Variants in SOX5 observed in about 807,000 individuals in gnomAD.
SOX5 encodes the protein SRY-box transcription factor 5, also known as transcription factor SOX-5.
In SOX5, 9 loss-of-function variants were observed where a neutral mutation model predicts 92.0. That is an observed-to-expected ratio of 0.10 (90% CI 0.06 to 0.17). The LOEUF (loss-of-function observed/expected upper bound fraction) is 0.17, where lower values mean the gene tolerates loss of function less well. Ranked by LOEUF, SOX5 falls within the 10% of genes least tolerant of loss-of-function variation. SOX5 has a pLI of 1.00. For synonymous variants in SOX5, 344 were observed against 336.3 expected (o/e 1.02, Z -0.25); for missense variants, 642 against 944.5 (o/e 0.68, Z 4.20).
chr12:24,239,836 CT>C (rs1965227708), intron 3 of SOX5, among the ~76,000 whole-genome samples: 1 of 152,154 alleles, frequency 6.6e-6, no homozygotes, highest in African/African-American at 2.4e-5. Context: ...CATTCTTTCA[CT>C]TTTATTTAAA....
chr12:23,781,684 C>T (rs950841604), intron 3 of SOX5, among the ~76,000 whole-genome samples: 11 of 151,974 alleles, frequency 7.2e-5, no homozygotes, highest in Non-Finnish European at 1.6e-4. Context: ...CTCTCTCTCC[C>T]CCGCTTTTAC....
chr12:24,167,700 T>A (rs917705385), intron 4 of SOX5, among the ~76,000 whole-genome samples: 1 of 152,260 alleles, frequency 6.6e-6, no homozygotes, highest in Non-Finnish European at 1.5e-5. Context: ...AACGTATTAT[T>A]CTAAACATTT....
intron 4 of SOX5, among the ~76,000 whole-genome samples, chr12:24,045,044 A>C (rs917872463): frequency 6.6e-6 from 1 of 152,210 alleles, no homozygotes; most frequent in Non-Finnish European, 1.5e-5. Flanking sequence ...AGGGTTTGCA[A>C]ACAACTAAGA....
intron 6 of SOX5, among the ~76,000 whole-genome samples, chr12:23,675,725 C>A (rs2085561394): frequency 6.6e-6 from 1 of 151,840 alleles, no homozygotes; most frequent in Non-Finnish European, 1.5e-5. Flanking sequence ...TTCTGCACAG[C>A]AAAGGAAATA....
intron 4 of SOX5, among the ~76,000 whole-genome samples, chr12:24,121,023 A>AC (rs1428531173): frequency 2.0e-5 from 3 of 152,154 alleles, no homozygotes; most frequent in Non-Finnish European, 2.9e-5. Flanking sequence ...CCAGAGAAAA[A>AC]CAGCACCAAC....
chr12:24,501,395 T>C (rs1297504355), intron 1 of SOX5, among the ~76,000 whole-genome samples: 1 of 151,008 alleles, frequency 6.6e-6, no homozygotes, highest in African/African-American at 2.4e-5. Context: ...AAAAAAAATA[T>C]GTACAAGCTC....
At chr12:24,156,498 G>A (rs894619057) in intron 4 of SOX5, among the ~76,000 whole-genome samples, 3 of 152,044 alleles carry the variant, frequency 2.0e-5, no homozygotes, top group Admixed American at 1.3e-4. Flanking sequence ...GACATTTTCT[G>A]TTCCTGTATT....
At position 23,731,960 on chromosome 12, in the gene SOX5, C is replaced by T. The variant is rs534987586; in HGVS notation, c.810+2724G>A. Among the ~76,000 whole-genome samples the T allele has an allele frequency of 6.6e-4, 100 of 152,092 alleles. 2 individuals are homozygous for T. Among genetic ancestry groups the T allele is most frequent in the Admixed American group, 3.4e-3 (52 of 15,272 alleles). ...TGTTTATTTCTACAAGGTATCAAGG[C>T]ACTGTATTTAAAAAAGAAAAAAGTA... On this transcript the variant is annotated intron_variant, in intron 6 of 14. Coordinates refer to ENST00000451604, the MANE Select transcript of SOX5 (RefSeq NM_006940.6).
intron 11 of SOX5, among the ~76,000 whole-genome samples, chr12:23,549,570 A>G (rs913294471): frequency 6.6e-6 from 1 of 151,934 alleles, no homozygotes; most frequent in Non-Finnish European, 1.5e-5. Context: ...TTATACATTT[A>G]AAGGAATACT....
intron 4 of SOX5, among the ~76,000 whole-genome samples, chr12:24,208,218 A>G (rs1565658730): frequency 6.6e-6 from 1 of 152,140 alleles, no homozygotes; most frequent in Admixed American, 6.5e-5. Flanking sequence ...TTATAGCCAT[A>G]CAGTTTATAA....
At chr12:23,769,441 A>G (rs2094849567) in intron 3 of SOX5, among the ~76,000 whole-genome samples, 1 of 152,078 alleles carries the variant, frequency 6.6e-6, no homozygotes, top group Admixed American at 6.6e-5. Flanking sequence ...TGGGGCTACT[A>G]CCAAATCCTT....
intron 9 of SOX5, among the ~76,000 whole-genome samples, chr12:23,585,029 T>C (rs552781614): frequency 6.6e-6 from 1 of 152,264 alleles, no homozygotes; most frequent in South Asian, 2.1e-4. Flanking sequence ...TAAATGTTAA[T>C]GGATAGTGGA....
intron 3 of SOX5, among the ~76,000 whole-genome samples, chr12:24,217,373 C>T (rs1049208039): frequency 2.6e-5 from 4 of 152,104 alleles, no homozygotes; most frequent in African/African-American, 9.7e-5. Flanking sequence ...ACCCAGCTGA[C>T]GTAAGAGAAT....
At chr12:24,263,527 C>CAAAAAAAAAAAAA (rs386375915) in intron 3 of SOX5, among the ~76,000 whole-genome samples, 10 of 63,240 alleles carry the variant, frequency 1.6e-4, no homozygotes, top group African/African-American at 4.3e-4. Context: ...GACTCCGTCT[C>CAAAAAAAAAAAAA]AAAAAAAAAA....
intron 1 of SOX5, among the ~76,000 whole-genome samples, chr12:24,465,723 G>T (rs1473321297): frequency 6.6e-6 from 1 of 152,190 alleles, no homozygotes; most frequent in African/African-American, 2.4e-5. Flanking sequence ...TTAGTCAGGG[G>T]CCAAATGAAT....
At chr12:23,862,757 T>C (rs542953869) in intron 2 of SOX5, among the ~76,000 whole-genome samples, 1 of 152,320 alleles carries the variant, frequency 6.6e-6, no homozygotes, top group South Asian at 2.1e-4. Context: ...AATCTCTGGC[T>C]TTTTACACTG....
chr12:24,071,935 A>T (rs561439912), intron 4 of SOX5, among the ~76,000 whole-genome samples: 1 of 152,358 alleles, frequency 6.6e-6, no homozygotes, highest in Admixed American at 6.5e-5. Flanking sequence ...ATGGAATCTT[A>T]GACATTAGTT....
intron 1 of SOX5, among the ~76,000 whole-genome samples, chr12:23,904,180 C>G (rs1450831628): frequency 6.6e-6 from 1 of 152,014 alleles, no homozygotes; most frequent in Non-Finnish European, 1.5e-5. Flanking sequence ...TATTCAGAAG[C>G]CTTTAAATAG....
At chr12:24,093,726 T>C (rs2137820868) in intron 4 of SOX5, among the ~76,000 whole-genome samples, 1 of 150,000 alleles carries the variant, frequency 6.7e-6, no homozygotes, top group Admixed American at 6.7e-5. Context: ...AAGACTGCAA[T>C]GGACGGTCTT....
Sources: allele counts gnomAD v4.1 joint callset (sites outside exome capture counted in the v4.1 genomes callset), GRCh38; gene constraint gnomAD v4.1.1; transcripts MANE v1.5; gene names NCBI Gene and HGNC (gene_info 2026-07-23, HGNC 2026-07-21).